Variants in PRDM4 observed in about 807,000 individuals in gnomAD.
PRDM4 encodes PR domain zinc finger protein 4.
Under a neutral mutation model 62.3 loss-of-function variants are expected in PRDM4, and 38 were observed. The ratio of observed to expected loss-of-function variants is 0.61; its 90% CI spans 0.47 to 0.80. The LOEUF (loss-of-function observed/expected upper bound fraction) is 0.80. Ranked by LOEUF, PRDM4 falls within the 30% of genes least tolerant of loss-of-function variation. The probability of loss-of-function intolerance (pLI) is 0.00; values close to 1 mark genes in which losing one functional copy is unlikely to be tolerated. For synonymous variants in PRDM4, 339 were observed against 348.2 expected, an observed-to-expected ratio of 0.97 and a Z score of 0.30; for missense variants, 858 against 997.1, an observed-to-expected ratio of 0.86 and a Z score of 1.88.
intron 2 of PRDM4, among the ~76,000 whole-genome samples, chr12:107,757,947 C>G (rs1160537136): frequency 1.3e-5 from 2 of 152,116 alleles, no homozygotes; most frequent in Admixed American, 6.5e-5. Context: ...CATTACAGAA[C>G]CACTAGGCTA....
At position 107,748,963 on chromosome 12, in the gene PRDM4, AT is replaced by A. The variant is rs576502185; in HGVS notation, c.1126+2451del. Among the ~76,000 whole-genome samples, 488 of 152,312 alleles carry A rather than the reference AT, an allele frequency of 3.2e-3. 1 individual carries two copies. Among genetic ancestry groups the A allele is most frequent in the Non-Finnish European group, 5.1e-3 (349 of 68,026 alleles). On this transcript the variant is annotated intron_variant, in intron 5 of 11. Coordinates refer to ENST00000228437, the MANE Select transcript of PRDM4 (RefSeq NM_012406.4). ...ATTCATTACATTCTTCGATTAAAACATTTTAAAACTCTAAATTTGAGACTTT... is the reference window on the plus strand; with the variant it reads ...ATTCATTACATTCTTCGATTAAAACATTTAAAACTCTAAATTTGAGACTTT...
intron 5 of PRDM4, among the ~76,000 whole-genome samples, chr12:107,748,871 C>T (rs188107268): frequency 6.6e-6 from 1 of 152,260 alleles, no homozygotes; most frequent in East Asian, 1.9e-4. Flanking sequence ...GTTCCATTTG[C>T]CCTCTTAAGA....
rs111567503 is a variant in PRDM4 at position 107,744,826 on chromosome 12, G to A, written c.1277-165C>T. ...TGTTATCCCGGCACTTTGGGAGGCCGAGGTGGGCAGATCACCTGAGGTCAG... is the reference window on the plus strand; with the variant it reads ...TGTTATCCCGGCACTTTGGGAGGCCAAGGTGGGCAGATCACCTGAGGTCAG... On this transcript the variant is annotated intron_variant, in intron 6 of 11. Transcript: ENST00000228437. 11,989 of 862,280 alleles carry A rather than the reference G, an allele frequency of 0.014. 1,042 individuals carry two copies. In the African/African-American group the frequency reaches 0.18, roughly 13 times the overall value. 53.4% of individuals were successfully genotyped at this position (862,280 alleles called of 1,614,324 possible). A position where few individuals can be genotyped will look rare whatever the true frequency, so the allele number is the denominator to read the frequency against.
intron 6 of PRDM4, among the ~76,000 whole-genome samples, chr12:107,745,005 A>G (rs1890646360): frequency 6.6e-6 from 1 of 152,216 alleles, no homozygotes; most frequent in African/African-American, 2.4e-5. Context: ...GGTTGCAGTG[A>G]GCAGAGATAG....
At position 107,746,276 on chromosome 12, in the gene PRDM4, A is replaced by G. The variant is rs1328082239; in HGVS notation, c.1275T>C (p.Val425=). The change falls in exon 6 of 12, where the codon GTT becomes GTC. Residue 425 remains valine (V), a splice_region_variant and synonymous_variant. Transcript: ENST00000228437. ...GTTTTACAGTTCCAAGGTTCTTACCAACTTCTGCTCCCACAATTGACTGAC... is the reference window on the plus strand; with the variant it reads ...GTTTTACAGTTCCAAGGTTCTTACCGACTTCTGCTCCCACAATTGACTGAC... ...VLRQSIVGAE[V]GVWTGETIPV... is the part of the protein sequence containing the mutation. 4 of 1,613,868 alleles carry G rather than the reference A, an allele frequency of 2.5e-6. No homozygotes were observed. The African/African-American group carries it at 5.3e-5, about 22-fold the overall frequency.
In PRDM4 at chr12:107,751,061, T is replaced by C. The variant is rs935455745; in HGVS notation, c.1126+354A>G. ...TCACAGGTGGGATCACAGAACACTA[T>C]AGCCTGAAACTCCTGGGCTCAAGCA... On this transcript the variant is annotated intron_variant, in intron 5 of 11. Coordinates refer to ENST00000228437, the MANE Select transcript of PRDM4 (RefSeq NM_012406.4). Among the ~76,000 whole-genome samples the C allele has an allele frequency of 3.3e-5, 5 of 152,246 alleles. No individual in the cohort carries two copies. The South Asian group carries it at 6.2e-4, about 19-fold the overall frequency.
intron 5 of PRDM4, among the ~76,000 whole-genome samples, chr12:107,748,791 C>A (rs570946134): frequency 1.1e-3 from 173 of 152,182 alleles, no homozygotes; most frequent in African/African-American, 3.8e-3. Context: ...ACCAAAAAAA[C>A]CACTAAATTG....
chr12:107,753,745 T>A (rs779382989), intron 4 of PRDM4, among the ~76,000 whole-genome samples, 179 bp downstream of exon 4: 5 of 152,222 alleles, frequency 3.3e-5, no homozygotes, highest in Admixed American at 3.3e-4. Context: ...TACTAATGTG[T>A]TATGTGCCAC....
At chr12:107,746,490 T>G (rs1890710969) in intron 5 of PRDM4, 66 bp from the exon 6 acceptor site, 2 of 430,914 alleles carry the variant, frequency 4.6e-6, no homozygotes, top group Non-Finnish European at 6.6e-6. Context: ...ACCACCACGG[T>G]TTTTTTTTTT....
chr12:107,745,233 A>C (rs993786726), intron 6 of PRDM4, among the ~76,000 whole-genome samples: 2 of 152,138 alleles, frequency 1.3e-5, no homozygotes, highest in African/African-American at 2.4e-5. Flanking sequence ...TTTTATCCAA[A>C]GGGAATCTTT....
intron 9 of PRDM4, 50 bp downstream of exon 9, chr12:107,742,171 C>G: frequency 3.9e-6 from 6 of 1,558,420 alleles, no homozygotes; most frequent in Non-Finnish European, 5.2e-6. Flanking sequence ...TAATCCTGGT[C>G]TTTGGTATTT....
In PRDM4 at chr12:107,733,838, G is replaced by A. The variant is rs898333778; in HGVS notation, c.*372C>T. On this transcript the variant is annotated 3_prime_UTR_variant, in exon 12 of 12. Coordinates refer to ENST00000228437, the MANE Select transcript of PRDM4 (RefSeq NM_012406.4). ...CAAGGACCGTTTAGAATGTTACCAA[G>A]TCACAGGACCAGCAGGAAAATGGAA... The A allele has an allele frequency of 6.2e-5, 14 of 224,856 alleles. No homozygotes were observed. The highest frequency in any genetic ancestry group is 1.1e-4 in the Non-Finnish European group (13 of 114,236). The allele number at this position is 224,856 out of a possible 1,614,324, so 13.9% of individuals were successfully genotyped here. A position where few individuals can be genotyped will look rare whatever the true frequency, so the allele number is the denominator to read the frequency against.
In PRDM4 at chr12:107,760,733, G is replaced by A. The variant is rs1411694402; in HGVS notation, c.-218C>T. ...TGGGGCATCTCGGGGAACACCTGGG[G>A]CCTTCCGTCCAGAAGCTTCGGGAAG... On this transcript the variant is annotated 5_prime_UTR_variant, in exon 2 of 12. Transcript: ENST00000228437. 24 of 573,110 alleles carry A rather than the reference G, an allele frequency of 4.2e-5. No individual in the cohort carries two copies. The highest frequency in any genetic ancestry group is 7.1e-5 in the Non-Finnish European group (23 of 324,978). 35.5% of individuals were successfully genotyped at this position (573,110 alleles called of 1,614,324 possible).
intron 5 of PRDM4, among the ~76,000 whole-genome samples, chr12:107,750,946 T>C (rs1433837332): frequency 6.6e-6 from 1 of 152,222 alleles, no homozygotes; most frequent in Non-Finnish European, 1.5e-5. Context: ...AGTGCAGTAC[T>C]ATTCACAGGT....
At chr12:107,752,693 A>T (rs1309069813) in intron 4 of PRDM4, among the ~76,000 whole-genome samples, 1 of 152,090 alleles carries the variant, frequency 6.6e-6, no homozygotes, top group Non-Finnish European at 1.5e-5. Flanking sequence ...GCTTGGGAGG[A>T]TATGGTGAAA....
Position 107,732,996 on chromosome 12 carries a change from T to C in PRDM4, c.*1214A>G, listed in dbSNP as rs1286487339. On this transcript the variant is annotated 3_prime_UTR_variant, in exon 12 of 12. Transcript: ENST00000228437. ...GAGTCCTCTACTCCAGCCCAGAGGT[T>C]GTGCCTTGAGCAGGAGAGCATGTTC... 2.0e-5 allele frequency: 3 copies of C among 152,674 alleles called. No homozygotes were observed. The highest frequency in any genetic ancestry group is 2.4e-5 in the African/African-American group (1 of 41,458). The allele number at this position is 152,674 out of a possible 1,614,324, so 9.5% of individuals were successfully genotyped here.
chr12:107,754,163 C>G, intron 3 of PRDM4, 54 bp from the exon 4 acceptor site: 1 of 1,373,550 alleles, frequency 7.3e-7, no homozygotes, highest in Non-Finnish European at 9.9e-7. Flanking sequence ...ATTAAAAATT[C>G]TCACTACAAC....
Position 107,753,928 on chromosome 12 carries a change from T to C in PRDM4, c.327A>G (p.Leu109=), listed in dbSNP as rs138338915. ...HLESSYFRTI[L]PGILSYLADR... Reference sequence around the variant, plus strand: ...TCAAGTAACTGTAACACTTACCAGGTAGAATGGTTCTGAAATAACTGCTCT... The same window carrying C: ...TCAAGTAACTGTAACACTTACCAGGCAGAATGGTTCTGAAATAACTGCTCT... Residue 109 remains leucine, a synonymous_variant, in exon 4 of 12, where the codon CTA becomes CTG. Coordinates refer to ENST00000228437, the MANE Select transcript of PRDM4 (RefSeq NM_012406.4). 1.2e-3 allele frequency: 1,975 copies of C among 1,612,662 alleles called. 12 individuals carry two copies. The highest frequency in any genetic ancestry group is 0.012 in the Admixed American group (695 of 59,670).
chr12:107,740,762 AC>A (rs1199731453), intron 10 of PRDM4, among the ~76,000 whole-genome samples, 183 bp downstream of exon 10: 1 of 152,072 alleles, frequency 6.6e-6, no homozygotes, highest in African/African-American at 2.4e-5. Flanking sequence ...TGGTGGGGAG[AC>A]CTGGAAAGCA....
Sources: allele counts gnomAD v4.1 joint callset (sites outside exome capture counted in the v4.1 genomes callset), GRCh38; gene constraint gnomAD v4.1.1; transcripts MANE v1.5; gene names NCBI Gene and HGNC (gene_info 2026-07-23, HGNC 2026-07-21).